KIAA0825: variants seen among roughly 807,000 people sequenced by gnomAD.
The protein encoded by KIAA0825 is uncharacterized protein KIAA0825.
KIAA0825 carries 119 observed loss-of-function variants against 147.6 expected under a neutral mutation model. That is an observed-to-expected ratio of 0.81 (90% CI 0.69 to 0.94). KIAA0825 has a LOEUF of 0.94. Ranked by LOEUF, KIAA0825 falls within the 40% of genes least tolerant of loss-of-function variation. The probability of loss-of-function intolerance (pLI) is 0.00; values close to 1 mark genes in which losing one functional copy is unlikely to be tolerated. For missense variants in KIAA0825, 1,381 were observed against 1,472.7 expected, an observed-to-expected ratio of 0.94 and a Z score of 1.02; for synonymous variants, 470 against 518.1, an observed-to-expected ratio of 0.91 and a Z score of 1.26.
intron 13 of KIAA0825, among the ~76,000 whole-genome samples, chr5:94,446,651 G>T (rs936241358): frequency 4.6e-5 from 7 of 152,176 alleles, no homozygotes; most frequent in Admixed American, 1.3e-4. Flanking sequence ...GAAGCGGGTT[G>T]AGAAGTGGGT....
intron 20 of KIAA0825, among the ~76,000 whole-genome samples, chr5:94,317,989 T>G (rs1779803423): frequency 6.6e-6 from 1 of 151,780 alleles, no homozygotes; most frequent in East Asian, 1.9e-4. Context: ...ATAAAATATT[T>G]AACTTAAAAA....
intron 2 of KIAA0825, among the ~76,000 whole-genome samples, chr5:94,545,610 C>T (rs1201543374): frequency 1.3e-5 from 2 of 152,100 alleles, no homozygotes; most frequent in East Asian, 1.9e-4. Flanking sequence ...AAATCCTGGG[C>T]CAGAAAGAAA....
chr5:94,341,200 A>G (rs1169961148), intron 20 of KIAA0825, among the ~76,000 whole-genome samples: 1 of 152,238 alleles, frequency 6.6e-6, no homozygotes, highest in East Asian at 1.9e-4. Context: ...CTTCTAATAT[A>G]CTATGTAAGC....
chr5:94,542,099 G>A (rs924763815), intron 2 of KIAA0825, among the ~76,000 whole-genome samples: 7 of 152,272 alleles, frequency 4.6e-5, no homozygotes, highest in South Asian at 2.1e-4. Context: ...TCTTTAGTAG[G>A]TGATTTATGA....
intron 20 of KIAA0825, among the ~76,000 whole-genome samples, chr5:94,211,244 A>T (rs766318813): frequency 6.6e-6 from 1 of 152,208 alleles, no homozygotes. Context: ...CACCTGTGCC[A>T]CAAAGAATGA....
At chr5:94,402,751 G>C (rs1202540862) in intron 16 of KIAA0825, among the ~76,000 whole-genome samples, 1 of 150,720 alleles carries the variant, frequency 6.6e-6, no homozygotes, top group African/African-American at 2.4e-5. Context: ...AGTTTCTCTA[G>C]AAAAACTAGA....
At chr5:94,256,205 A>G (rs1360958042) in intron 20 of KIAA0825, among the ~76,000 whole-genome samples, 1 of 152,176 alleles carries the variant, frequency 6.6e-6, no homozygotes. Flanking sequence ...GACACAGCAG[A>G]AAACTCAAGA....
chr5:94,336,190 T>G (rs1781769394), intron 20 of KIAA0825, among the ~76,000 whole-genome samples: 1 of 151,692 alleles, frequency 6.6e-6, no homozygotes. Context: ...GCCGACATGG[T>G]GAAACCCTGT....
intron 20 of KIAA0825, among the ~76,000 whole-genome samples, chr5:94,337,221 G>A (rs185514384): frequency 6.6e-6 from 1 of 152,282 alleles, no homozygotes; most frequent in East Asian, 1.9e-4. Context: ...TATTCACATA[G>A]CTAAGTTTTA....
In KIAA0825 at chr5:94,350,886, C is replaced by CTT. The variant is rs35084160; in HGVS notation, c.3710+33480_3710+33481dup. On this transcript the variant is annotated intron_variant, in intron 20 of 20. Coordinates refer to ENST00000682413, the MANE Select transcript of KIAA0825 (RefSeq NM_001145678.3). ...CTGGAACAAGACAAGGATGTCCACTCTTTTTTTTTTTTTTTTGGAGATGGA... is the reference window on the plus strand; with the variant it reads ...CTGGAACAAGACAAGGATGTCCACTCTTTTTTTTTTTTTTTTTTGGAGATGGA... 9.9e-3 allele frequency among the ~76,000 whole-genome samples: 1,381 copies of CTT among 139,254 alleles called. 20 individuals are homozygous for CTT. Among genetic ancestry groups the CTT allele is most frequent in the Admixed American group, 0.016 (222 of 13,822 alleles). 91.4% of individuals were successfully genotyped at this position (139,254 alleles called of 152,430 possible). A position where few individuals can be genotyped will look rare whatever the true frequency, so the allele number is the denominator to read the frequency against.
intron 20 of KIAA0825, among the ~76,000 whole-genome samples, chr5:94,347,230 T>G (rs1783106176): frequency 6.6e-6 from 1 of 152,176 alleles, no homozygotes; most frequent in African/African-American, 2.4e-5. Flanking sequence ...CCCACCCTAG[T>G]AGCAGAAAAG....
intron 20 of KIAA0825, among the ~76,000 whole-genome samples, chr5:94,350,723 C>T (rs1397001024): frequency 1.3e-5 from 2 of 152,070 alleles, no homozygotes; most frequent in Non-Finnish European, 2.9e-5. Flanking sequence ...TGACAAAATC[C>T]AGCATCTTTT....
At chr5:94,218,197 T>C (rs1272922326) in intron 20 of KIAA0825, among the ~76,000 whole-genome samples, 3 of 152,186 alleles carry the variant, frequency 2.0e-5, no homozygotes, top group Non-Finnish European at 4.4e-5. Context: ...CCTTAGAAAT[T>C]ACTTGAATGA....
chr5:94,225,715 GCTGTTTA>G (rs1363908034), intron 20 of KIAA0825, among the ~76,000 whole-genome samples: 5 of 152,182 alleles, frequency 3.3e-5, no homozygotes, highest in African/African-American at 1.2e-4. Context: ...TGTGAGAATA[GCTGTTTA>G]TTGTTTAAGC....
chr5:94,197,156 C>T (rs920083778), intron 20 of KIAA0825, among the ~76,000 whole-genome samples: 1 of 152,154 alleles, frequency 6.6e-6, no homozygotes, highest in Non-Finnish European at 1.5e-5. Context: ...TAATAATAGC[C>T]ATTCTGACTG....
intron 1 of KIAA0825, among the ~76,000 whole-genome samples, chr5:94,612,882 G>A (rs966979004): frequency 6.6e-6 from 1 of 152,078 alleles, no homozygotes; most frequent in Admixed American, 6.6e-5. Flanking sequence ...CAAAACTAGA[G>A]ACCTTAATAA....
chr5:94,495,834 C>A (rs1764287188), intron 5 of KIAA0825, among the ~76,000 whole-genome samples: 2 of 152,128 alleles, frequency 1.3e-5, no homozygotes, highest in African/African-American at 4.8e-5. Flanking sequence ...CATGGGAATT[C>A]TTTAATTGAA....
intron 4 of KIAA0825, among the ~76,000 whole-genome samples, chr5:94,522,970 T>C (rs1768512878): frequency 6.6e-6 from 1 of 151,776 alleles, no homozygotes; most frequent in African/African-American, 2.4e-5. Flanking sequence ...TCCATATTTA[T>C]TCTTTAAGGA....
rs148750589 is a variant in KIAA0825 at position 94,301,185 on chromosome 5, T to C, written c.3710+83183A>G. The stretch of plus-strand genomic sequence containing the variant: ...AATTTCCAGGAAGTTAGGAAGATAA[T>C]TTATGGGTAGAAAGAAAACGTGTGT... On this transcript the variant is annotated intron_variant, in intron 20 of 20. Transcript: ENST00000682413. 2.1e-3 allele frequency among the ~76,000 whole-genome samples: 320 copies of C among 152,264 alleles called. 2 individuals are homozygous for C. Among genetic ancestry groups the C allele is most frequent in the African/African-American group, 7.5e-3 (310 of 41,540 alleles).
Sources: gnomAD v4.1 joint callset for allele counts (sites outside exome capture counted in the v4.1 genomes callset) on GRCh38, gnomAD v4.1.1 for gene constraint, MANE v1.5 for transcripts, NCBI Gene and HGNC (gene_info 2026-07-23, HGNC 2026-07-21) for gene names.